The following AAK1 variants were observed in gnomAD, a reference collection of about 807,000 sequenced individuals.
AAK1 encodes the protein AP2-associated protein kinase 1.
A neutral mutation model predicts 116.0 loss-of-function variants in AAK1; 37 were observed. The observed-to-expected ratio is 0.32, with a 90% confidence interval of 0.25 to 0.42. The LOEUF is 0.42. AAK1 is among the 10% of genes least tolerant of loss of function. The pLI, the probability that AAK1 is intolerant of heterozygous loss-of-function variation, is 1.00. For synonymous variants in AAK1, 458 were observed against 439.9 expected, an observed-to-expected ratio of 1.04 and a Z score of -0.51; for missense variants, 919 against 1,170.6, an observed-to-expected ratio of 0.79 and a Z score of 3.14.
chr2:69,469,406 G>A lies in AAK1; in HGVS notation c.*6463C>T, dbSNP rs1674601145. On this transcript the variant is annotated 3_prime_UTR_variant, in exon 22 of 22. Coordinates refer to ENST00000409085, the MANE Select transcript of AAK1 (RefSeq NM_014911.5). ...CAGATAAAAGTCTTTTTTTGAGTATGTGAATGTGTTCTTACAGGGAAAATG... is the reference window on the plus strand; with the variant it reads ...CAGATAAAAGTCTTTTTTTGAGTATATGAATGTGTTCTTACAGGGAAAATG... 2.0e-6 allele frequency: 2 copies of A among 985,294 alleles called. No individual in the cohort carries two copies. Among genetic ancestry groups the A allele is most frequent in the Non-Finnish European group, 1.2e-6 (1 of 829,930 alleles). The allele number at this position is 985,294 out of a possible 1,614,324, so 61.0% of individuals were successfully genotyped here.
intron 2 of AAK1, among the ~76,000 whole-genome samples, chr2:69,602,442 G>T (rs1673621603): frequency 6.6e-6 from 1 of 151,800 alleles, no homozygotes; most frequent in Non-Finnish European, 1.5e-5. Context: ...ATTATAAAGG[G>T]ATATTATATA....
intron 2 of AAK1, among the ~76,000 whole-genome samples, chr2:69,612,674 A>G (rs1247929430): frequency 1.3e-5 from 2 of 152,204 alleles, no homozygotes; most frequent in African/African-American, 2.4e-5. Flanking sequence ...CATGTGCTGT[A>G]TAAGTTTTAC....
At chr2:69,605,153 C>T (rs1473954969) in intron 2 of AAK1, among the ~76,000 whole-genome samples, 3 of 152,150 alleles carry the variant, frequency 2.0e-5, no homozygotes, top group Non-Finnish European at 4.4e-5. Flanking sequence ...CCTCCCTACC[C>T]CAGCAGTTTG....
intron 20 of AAK1, among the ~76,000 whole-genome samples, chr2:69,478,174 C>T (rs1327542810): frequency 1.3e-5 from 2 of 152,212 alleles, no homozygotes; most frequent in African/African-American, 4.8e-5. Context: ...AGGAAAGATG[C>T]TTATTTCTTT....
At chr2:69,605,190 C>T (rs2105204197) in intron 2 of AAK1, among the ~76,000 whole-genome samples, 1 of 152,290 alleles carries the variant, frequency 6.6e-6, no homozygotes. Context: ...TCTCACCTTG[C>T]TGTGTACCTA....
intron 2 of AAK1, chr2:69,597,354 C>G (rs538391404): frequency 3.3e-5 from 5 of 153,248 alleles, no homozygotes; most frequent in African/African-American, 9.7e-5. Context: ...TCTGGACAGC[C>G]CCAGCTCCCT....
At chr2:69,565,768 A>G (rs1311534144) in intron 2 of AAK1, among the ~76,000 whole-genome samples, 1 of 144,072 alleles carries the variant, frequency 6.9e-6, no homozygotes, top group Middle Eastern at 4.0e-3. Context: ...TCTCCACGGT[A>G]AGAACCTGGG....
At chr2:69,485,655 C>A (rs1167029594) in intron 17 of AAK1, among the ~76,000 whole-genome samples, 1 of 151,402 alleles carries the variant, frequency 6.6e-6, no homozygotes, top group Non-Finnish European at 1.5e-5. Context: ...TGAAGAAAAT[C>A]TCTCTTTTTT....
chr2:69,484,868 C>CAA (rs1402777703), intron 17 of AAK1, among the ~76,000 whole-genome samples: 134 of 106,098 alleles, frequency 1.3e-3, no homozygotes, highest in African/African-American at 4.7e-3. Flanking sequence ...GAGTGAGTCT[C>CAA]AAAAAAAAAA....
chr2:69,498,667 T>G (rs760982687), intron 16 of AAK1, among the ~76,000 whole-genome samples: 1 of 152,212 alleles, frequency 6.6e-6, no homozygotes, highest in Non-Finnish European at 1.5e-5. Context: ...TAGTCTGAGA[T>G]GCATGATAAA....
At position 69,474,378 on chromosome 2, in the gene AAK1, A is replaced by AT; in HGVS notation, c.*1490dup. 1.0e-6 allele frequency: 1 copy of AT among 985,852 alleles called. No homozygotes were observed. Among genetic ancestry groups the AT allele is most frequent in the Non-Finnish European group, 1.2e-6 (1 of 829,926 alleles). 61.1% of individuals were successfully genotyped at this position (985,852 alleles called of 1,614,324 possible). A position where few individuals can be genotyped will look rare whatever the true frequency, so the allele number is the denominator to read the frequency against. Reference sequence around the variant, plus strand: ...GTGCCCACTTCTTTTCAAAAGGGTGATTTTATAAAAGTGCTTTCCACATAA... The same window carrying AT: ...GTGCCCACTTCTTTTCAAAAGGGTGATTTTTATAAAAGTGCTTTCCACATAA... On this transcript the variant is annotated 3_prime_UTR_variant, in exon 22 of 22. Transcript: ENST00000409085.
chr2:69,636,450 C>T (rs1047410236), intron 2 of AAK1, among the ~76,000 whole-genome samples: 3 of 152,152 alleles, frequency 2.0e-5, no homozygotes, highest in Non-Finnish European at 4.4e-5. Flanking sequence ...GATAGCAGGA[C>T]ATGAATATAA....
intron 17 of AAK1, among the ~76,000 whole-genome samples, chr2:69,489,704 T>C (rs1675447041): frequency 6.6e-6 from 1 of 152,180 alleles, no homozygotes; most frequent in South Asian, 2.1e-4. Flanking sequence ...CGAGAGATGA[T>C]GTTTTAAAAC....
intron 2 of AAK1, among the ~76,000 whole-genome samples, chr2:69,619,717 G>T (rs1382685193): frequency 6.6e-6 from 1 of 152,164 alleles, no homozygotes; most frequent in Non-Finnish European, 1.5e-5. Flanking sequence ...CAAAATAGGT[G>T]AGGGAGAGCA....
At chr2:69,567,384 T>C (rs531510077) in intron 2 of AAK1, among the ~76,000 whole-genome samples, 12 of 152,218 alleles carry the variant, frequency 7.9e-5, no homozygotes, top group African/African-American at 1.9e-4. Flanking sequence ...TAAATACTTA[T>C]AGGGTAATTC....
At chr2:69,479,233 T>C (rs890999273) in intron 19 of AAK1, among the ~76,000 whole-genome samples, 172 bp from the exon 20 acceptor site, 7 of 151,774 alleles carry the variant, frequency 4.6e-5, no homozygotes, top group African/African-American at 9.7e-5. Flanking sequence ...TGGATTTTCA[T>C]CTGTATCATG....
In AAK1 at chr2:69,466,173, T is replaced by C; in HGVS notation, c.*9696A>G. The C allele has an allele frequency of 7.8e-7, 1 of 1,290,014 alleles. No homozygotes were observed. The highest frequency in any genetic ancestry group is 1.5e-5 in the African/African-American group (1 of 65,982). 79.9% of individuals were successfully genotyped at this position (1,290,014 alleles called of 1,614,324 possible). On this transcript the variant is annotated 3_prime_UTR_variant, in exon 22 of 22. Coordinates refer to ENST00000409085, the MANE Select transcript of AAK1 (RefSeq NM_014911.5). ...GGCTGGCTGTGTGAAGGCTTGAAAC[T>C]GGTTCTTTCTTCCACCTTGCACTGT...
intron 18 of AAK1, chr2:69,482,333 C>T: frequency 2.2e-6 from 1 of 460,208 alleles, no homozygotes; most frequent in Non-Finnish European, 3.8e-6. Flanking sequence ...GCCTAGGCAA[C>T]AAGAGTGAAA....
At chr2:69,629,610 T>C (rs2105255223) in intron 2 of AAK1, among the ~76,000 whole-genome samples, 1 of 152,336 alleles carries the variant, frequency 6.6e-6, no homozygotes, top group South Asian at 2.1e-4. Flanking sequence ...ACAGATCTAT[T>C]ATACGATTGG....
Sources: gnomAD v4.1 joint callset for allele counts (sites outside exome capture counted in the v4.1 genomes callset) on GRCh38, gnomAD v4.1.1 for gene constraint, MANE v1.5 for transcripts, NCBI Gene and HGNC (gene_info 2026-07-23, HGNC 2026-07-21) for gene names.